The following MTMR14 variants were observed in gnomAD, a reference collection of about 807,000 sequenced individuals.
MTMR14 encodes the protein phosphatidylinositol-3,5-bisphosphate 3-phosphatase MTMR14.
MTMR14 carries 48 observed loss-of-function variants against 86.3 expected under a neutral mutation model. That is an observed-to-expected ratio of 0.56 (90% CI 0.44 to 0.71). The LOEUF is 0.71. Ranked by LOEUF, MTMR14 falls within the 30% of genes least tolerant of loss-of-function variation. The pLI is 0.00. For synonymous variants in MTMR14, 366 were observed against 326.1 expected (o/e 1.12, Z -1.32); for missense variants, 780 against 834.6 (o/e 0.93, Z 0.81).
chr3:9,677,849 G>A lies in MTMR14; in HGVS notation c.823-135G>A. 1.4e-6 allele frequency: 1 copy of A among 711,876 alleles called. No individual in the cohort carries two copies. Among genetic ancestry groups the A allele is most frequent in the Non-Finnish European group, 2.4e-6 (1 of 413,944 alleles). The allele number at this position is 711,876 out of a possible 1,614,324, so 44.1% of individuals were successfully genotyped here. ...ATTGATTTTTAAGCTGTCACTCCCA[G>A]GTAGCACAGGTATCTGGCCCAGAGA... On this transcript the variant is annotated intron_variant, in intron 8 of 18. Transcript: ENST00000296003. This position sits in a 1 kb window ranked among gnomAD's most constrained non-coding sequence, Gnocchi z 4.2.
At chr3:9,689,457 A>C (rs1392210425) in intron 16 of MTMR14, among the ~76,000 whole-genome samples, 1 of 152,114 alleles carries the variant, frequency 6.6e-6, no homozygotes, top group Non-Finnish European at 1.5e-5. Context: ...GGAATTGGGA[A>C]CTTGAGGGTC....
chr3:9,653,734 C>T lies in MTMR14; in HGVS notation c.273C>T (p.Phe91=). ...ICGHYPRHIV[F]LEYESSEKEK... is the part of the protein sequence containing the mutation. ...GCCACTATCCCCGGCACATCGTGTT[C>T]CTGGAGTATGAGAGTTCTGAGAAGG... Residue 91 remains phenylalanine (F), a synonymous_variant, in exon 2 of 19, where the codon TTC becomes TTT. Coordinates refer to ENST00000296003, the MANE Select transcript of MTMR14 (RefSeq NM_001077525.3). The T allele has an allele frequency of 6.2e-7, 1 of 1,614,122 alleles. No individual in the cohort carries two copies. Among genetic ancestry groups the T allele is most frequent in the Non-Finnish European group, 8.5e-7 (1 of 1,180,024 alleles).
rs1202413085 is a variant in MTMR14 at position 9,677,546 on chromosome 3, C to T, written c.822+159C>T. Among the ~76,000 whole-genome samples, 1 of 152,052 alleles carries T rather than the reference C, an allele frequency of 6.6e-6. No individual in the cohort carries two copies. The highest frequency in any genetic ancestry group is 1.5e-5 in the Non-Finnish European group (1 of 68,010). On this transcript the variant is annotated intron_variant, in intron 8 of 18. Coordinates refer to ENST00000296003, the MANE Select transcript of MTMR14 (RefSeq NM_001077525.3). This position sits in a 1 kb window ranked among gnomAD's most constrained non-coding sequence, Gnocchi z 4.2. ...TTTCTGTCTTCCTCTCCCTCTTCTCCTTGTATATACTTGTTAAATTTTCAT... is the reference window on the plus strand; with the variant it reads ...TTTCTGTCTTCCTCTCCCTCTTCTCTTTGTATATACTTGTTAAATTTTCAT...
At chr3:9,691,424 G>A (rs986800024) in intron 17 of MTMR14, among the ~76,000 whole-genome samples, 1 of 152,232 alleles carries the variant, frequency 6.6e-6, no homozygotes, top group Non-Finnish European at 1.5e-5. Context: ...TGAGGCTGCA[G>A]TGGCACTGTT....
At chr3:9,674,664 A>G (rs1219326613) in intron 7 of MTMR14, among the ~76,000 whole-genome samples, 1 of 152,178 alleles carries the variant, frequency 6.6e-6, no homozygotes, top group African/African-American at 2.4e-5. Flanking sequence ...TTTGACATGG[A>G]AAACGTCACA....
At chr3:9,669,619 T>C (rs1365856401) in intron 5 of MTMR14, 127 bp downstream of exon 5, 2 of 952,672 alleles carry the variant, frequency 2.1e-6, no homozygotes, top group African/African-American at 3.3e-5. Context: ...CTTCTTCCTC[T>C]TCTGTCTGCC....
chr3:9,689,879 G>A (rs1315953904), intron 16 of MTMR14, 85 bp from the exon 17 acceptor site: 2 of 1,355,224 alleles, frequency 1.5e-6, no homozygotes, highest in Non-Finnish European at 2.0e-6. Flanking sequence ...TGGAAGTAAA[G>A]CCTAGGCCTG....
At chr3:9,670,993 A>C in intron 5 of MTMR14, 55 bp from the exon 6 acceptor site, 2 of 1,612,690 alleles carry the variant, frequency 1.2e-6, no homozygotes, top group Admixed American at 1.7e-5. Flanking sequence ...GCCCACCCCC[A>C]AGCTCCTGTG....
chr3:9,665,853 C>T (rs944787175), intron 3 of MTMR14, among the ~76,000 whole-genome samples: 3 of 151,572 alleles, frequency 2.0e-5, no homozygotes, highest in Non-Finnish European at 2.9e-5. Flanking sequence ...GTCAGCCTCC[C>T]GAGTAGCTGG....
At chr3:9,682,590 C>T (rs2075803522) in intron 9 of MTMR14, among the ~76,000 whole-genome samples, 1 of 152,236 alleles carries the variant, frequency 6.6e-6, no homozygotes, top group Non-Finnish European at 1.5e-5. Context: ...CATCTCCCAC[C>T]TCATGGGCCT....
chr3:9,677,018 A>C lies in MTMR14; in HGVS notation c.752-299A>C, dbSNP rs932053106. On this transcript the variant is annotated intron_variant, in intron 7 of 18. Coordinates refer to ENST00000296003, the MANE Select transcript of MTMR14 (RefSeq NM_001077525.3). This position sits in a 1 kb window ranked among gnomAD's most constrained non-coding sequence, Gnocchi z 4.2. ...AGACCTGTAGGACAAAGGGACTTGC[A>C]ATGTGGGGGAAGTGACTGGTGACCA... Among the ~76,000 whole-genome samples, 3 of 152,214 alleles carry C rather than the reference A, an allele frequency of 2.0e-5. No homozygotes were observed. The highest frequency in any genetic ancestry group is 6.5e-5 in the Admixed American group (1 of 15,286).
rs985029406 is a variant in MTMR14 at position 9,702,150 on chromosome 3, C to T, written c.*177C>T. The T allele has an allele frequency of 2.6e-6, 2 of 779,264 alleles. No individual in the cohort carries two copies. Among genetic ancestry groups the T allele is most frequent in the Admixed American group, 2.1e-5 (1 of 47,418 alleles). 48.3% of individuals were successfully genotyped at this position (779,264 alleles called of 1,614,324 possible). ...AGGCCAAAGACAGGGTTTTCCAACC[C>T]CCAGCCTCTTGACTGGTGACCACCA... On this transcript the variant is annotated 3_prime_UTR_variant, in exon 19 of 19. Coordinates refer to ENST00000296003, the MANE Select transcript of MTMR14 (RefSeq NM_001077525.3).
In MTMR14 at chr3:9,669,370, A is replaced by G. The variant is rs554608956; in HGVS notation, c.494-62A>G. The stretch of plus-strand genomic sequence containing the variant: ...ACTATGGGGAAGGAGGCTGGTGAGG[A>G]GGCCCCTGTGTGGAGCCCTGGGTCA... On this transcript the variant is annotated intron_variant, in intron 4 of 18. Transcript: ENST00000296003. 3.6e-5 allele frequency: 56 copies of G among 1,555,408 alleles called. No individual in the cohort carries two copies. The Admixed American group carries it at 9.6e-4, about 27-fold the overall frequency.
intron 9 of MTMR14, 26 bp from the exon 10 acceptor site, chr3:9,683,152 C>A: frequency 6.2e-7 from 1 of 1,603,868 alleles, no homozygotes; most frequent in Non-Finnish European, 8.5e-7. Flanking sequence ...AGTTAATGTC[C>A]ATTTCTTCTC....
Position 9,697,866 on chromosome 3 carries a change from T to C in MTMR14, c.1769T>C (p.Leu590Pro), listed in dbSNP as rs187153906. ...CCGGATGAGCTCCCTAACAGTTGTC[T>C]GTAAGTGTCTTGCTTGAGAAGGCAG... ...SFPDELPNSC[L>P]LAALSDRETR... Residue 590 changes from leucine to proline, a missense_variant and splice_region_variant, in exon 18 of 19, where the codon CTG (leucine) becomes CCG (proline). Leu to Pro is a moderately conservative substitution (Grantham distance 98, BLOSUM62 -3). Transcript: ENST00000296003. 6.2e-7 allele frequency: 1 copy of C among 1,614,172 alleles called. No individual in the cohort carries two copies. The highest frequency in any genetic ancestry group is 2.2e-5 in the East Asian group (1 of 44,882).
At chr3:9,671,531 T>C (rs1016702661) in intron 6 of MTMR14, among the ~76,000 whole-genome samples, 5 of 152,200 alleles carry the variant, frequency 3.3e-5, no homozygotes, top group African/African-American at 4.8e-5. Context: ...TTTAATTTAT[T>C]TTTCATAGTG....
chr3:9,666,697 ATCTT>A (rs1239161504), intron 3 of MTMR14, among the ~76,000 whole-genome samples: 1 of 152,198 alleles, frequency 6.6e-6, no homozygotes, highest in Non-Finnish European at 1.5e-5. Context: ...GGAACAATTC[ATCTT>A]TCTTTTTGTT....
intron 2 of MTMR14, 29 bp downstream of exon 2, chr3:9,653,798 G>A: frequency 6.2e-7 from 1 of 1,613,986 alleles, no homozygotes; most frequent in Non-Finnish European, 8.5e-7. Flanking sequence ...TAGTGTACAT[G>A]TCTGGGGAGT....
intron 3 of MTMR14, among the ~76,000 whole-genome samples, chr3:9,663,589 C>G (rs1246833464): frequency 7.0e-6 from 1 of 142,802 alleles, no homozygotes; most frequent in Non-Finnish European, 1.5e-5. Flanking sequence ...TCTCAGCTCA[C>G]TGCAAGCTCC....
Sources: gnomAD v4.1 joint callset for allele counts (sites outside exome capture counted in the v4.1 genomes callset) on GRCh38, gnomAD v4.1.1 for gene constraint, Gnocchi (gnomAD v3.1) non-coding constraint, MANE v1.5 for transcripts, NCBI Gene and HGNC (gene_info 2026-07-23, HGNC 2026-07-21) for gene names.